CACNA2D1: variants seen among roughly 807,000 people sequenced by gnomAD.
CACNA2D1 encodes calcium voltage-gated channel auxiliary subunit alpha2delta 1.
A neutral mutation model predicts 171.5 loss-of-function variants in CACNA2D1; 53 were observed. The observed-to-expected ratio is 0.31, with a 90% CI of 0.25 to 0.39. The LOEUF is 0.39. Ranked by LOEUF, CACNA2D1 falls within the 10% of genes least tolerant of loss-of-function variation. The probability of loss-of-function intolerance (pLI) is 1.00; values close to 1 mark genes in which losing one functional copy is unlikely to be tolerated. For synonymous variants in CACNA2D1, 442 were observed against 443.1 expected (o/e 1.00, Z 0.03); for missense variants, 903 against 1,299.8 (o/e 0.69, Z 4.69).
intron 3 of CACNA2D1, among the ~76,000 whole-genome samples, chr7:82,253,571 C>T (rs1452658924): frequency 6.6e-6 from 1 of 152,054 alleles, no homozygotes; most frequent in African/African-American, 2.4e-5. Context: ...GTAAGATAAA[C>T]TAAAAGAATC....
chr7:82,443,855 G>T, upstream of CACNA2D1: 1 of 450,168 alleles, frequency 2.2e-6, no homozygotes, highest in Non-Finnish European at 3.6e-6. Flanking sequence ...GGCGGAGGAG[G>T]GGTGACGGCG....
At position 82,102,485 on chromosome 7, in the gene CACNA2D1, T is replaced by TAC. The variant is rs951184061; in HGVS notation, c.526+14557_526+14558dup. ...ATACACATGCATATATACATATATATACACACACACACACGCACACACACA... is the reference window on the plus strand; with the variant it reads ...ATACACATGCATATATACATATATATACACACACACACACACGCACACACACA... On this transcript the variant is annotated intron_variant, in intron 6 of 38. Transcript: ENST00000356860. Among the ~76,000 whole-genome samples the TAC allele has an allele frequency of 1.5e-4, 22 of 151,214 alleles. No individual in the cohort carries two copies. In the South Asian group the frequency reaches 3.6e-3, roughly 24 times the overall value.
chr7:82,094,685 A>T (rs1311466335), intron 6 of CACNA2D1, among the ~76,000 whole-genome samples: 9 of 152,202 alleles, frequency 5.9e-5, no homozygotes. Flanking sequence ...AAAACCTTAG[A>T]TTTTTCAAAT....
At chr7:82,144,902 G>A (rs1238156512) in intron 4 of CACNA2D1, among the ~76,000 whole-genome samples, 1 of 147,104 alleles carries the variant, frequency 6.8e-6, no homozygotes, top group African/African-American at 2.4e-5. Flanking sequence ...GTTCAATAAT[G>A]TATGGATTAT....
At chr7:82,371,986 G>T (rs1822472532) in intron 1 of CACNA2D1, among the ~76,000 whole-genome samples, 1 of 152,062 alleles carries the variant, frequency 6.6e-6, no homozygotes, top group Non-Finnish European at 1.5e-5. Context: ...TCACTTTAAT[G>T]AAATTCTATG....
At chr7:82,327,424 A>G (rs42050) in intron 3 of CACNA2D1, among the ~76,000 whole-genome samples, 84,062 of 152,068 alleles carry the variant, frequency 0.55, 23,935 homozygotes, top group East Asian at 0.71. Flanking sequence ...TGTCTTGTCT[A>G]TTAATCATAT....
At chr7:82,215,819 T>C (rs1238939457) in intron 3 of CACNA2D1, among the ~76,000 whole-genome samples, 1 of 152,206 alleles carries the variant, frequency 6.6e-6, no homozygotes, top group Non-Finnish European at 1.5e-5. Context: ...GAATTTGCTT[T>C]ACCCAAAAGA....
At chr7:82,170,435 T>C in intron 4 of CACNA2D1, 115 bp downstream of exon 4, 1 of 930,224 alleles carries the variant, frequency 1.1e-6, no homozygotes, top group Non-Finnish European at 1.7e-6. Flanking sequence ...TATGATTATT[T>C]TTAATCCCAC....
intron 3 of CACNA2D1, among the ~76,000 whole-genome samples, chr7:82,322,990 T>TA (rs1816183711): frequency 6.6e-6 from 1 of 152,148 alleles, no homozygotes; most frequent in South Asian, 2.1e-4. Context: ...ATCAAGAGAT[T>TA]AAAAAACAAA....
chr7:82,118,682 A>C (rs1260725625), intron 5 of CACNA2D1, among the ~76,000 whole-genome samples: 2 of 152,104 alleles, frequency 1.3e-5, no homozygotes, highest in South Asian at 2.1e-4. Flanking sequence ...CACACTTAAC[A>C]ATTAGCAGTT....
Position 82,060,485 on chromosome 7 carries a change from T to A in CACNA2D1, c.822A>T (p.Thr274=), listed in dbSNP as rs756643377. Residue 274 remains threonine (T), a synonymous_variant, in exon 10 of 39, where the codon ACA becomes ACT. Coordinates refer to ENST00000356860, the MANE Select transcript of CACNA2D1 (RefSeq NM_000722.4). The part of the protein sequence containing the change: ...VSGLTLKLIR[T]SVSEMLETLS... Reference sequence around the variant, plus strand: ...GGGTTTCTAACATTTCGGAGACAGATGTTCGGATCAGTTTAAGTGTCAATC... The same window carrying A: ...GGGTTTCTAACATTTCGGAGACAGAAGTTCGGATCAGTTTAAGTGTCAATC... 3.1e-6 allele frequency: 5 copies of A among 1,610,530 alleles called. 1 individual carries two copies. The South Asian group carries it at 5.5e-5, about 18-fold the overall frequency.
intron 1 of CACNA2D1, among the ~76,000 whole-genome samples, chr7:82,393,370 A>T (rs10227932): frequency 0.15 from 22,868 of 152,184 alleles, 2,806 homozygotes; most frequent in African/African-American, 0.34. Context: ...TGCTGGAGGC[A>T]ACAGAGGTCT....
At chr7:82,110,074 C>T (rs1584780620) in intron 6 of CACNA2D1, among the ~76,000 whole-genome samples, 1 of 152,300 alleles carries the variant, frequency 6.6e-6, no homozygotes, top group East Asian at 1.9e-4. Context: ...ACCTCCTGTT[C>T]TTATACCTTT....
intron 12 of CACNA2D1, among the ~76,000 whole-genome samples, chr7:82,016,585 T>C (rs949388632): frequency 4.2e-5 from 6 of 141,660 alleles, no homozygotes; most frequent in Non-Finnish European, 7.5e-5. Flanking sequence ...ATCATTCAAA[T>C]AGTCCAAATA....
chr7:82,131,587 G>A (rs1167280849), intron 5 of CACNA2D1, among the ~76,000 whole-genome samples: 1 of 151,974 alleles, frequency 6.6e-6, no homozygotes, highest in African/African-American at 2.4e-5. Flanking sequence ...AACATACTGA[G>A]GACTAAATTT....
Position 81,984,698 on chromosome 7 carries a change from A to G in CACNA2D1, c.1810T>C (p.Leu604=), listed in dbSNP as rs991265958. The G allele has an allele frequency of 6.5e-6, 10 of 1,546,840 alleles. No individual in the cohort carries two copies. In the Admixed American group the frequency reaches 1.9e-4, roughly 29 times the overall value. Residue 604 remains leucine (L), a synonymous_variant, in exon 22 of 39, where the codon TTA becomes CTA. Coordinates refer to ENST00000356860, the MANE Select transcript of CACNA2D1 (RefSeq NM_000722.4). ...ATATAGTAAAAACTGTAGGTTGGTAATACCAAGGCCAAACTGCAATAGAAA... is the reference window on the plus strand; with the variant it reads ...ATATAGTAAAAACTGTAGGTTGGTAGTACCAAGGCCAAACTGCAATAGAAA... The part of the protein sequence containing the change: ...NGTDYSLALV[L]PTYSFYYIKA...
At chr7:82,267,958 T>C (rs1330903668) in intron 3 of CACNA2D1, among the ~76,000 whole-genome samples, 2 of 152,080 alleles carry the variant, frequency 1.3e-5, no homozygotes, top group African/African-American at 4.8e-5. Context: ...GATCGCACCA[T>C]TGCACTCCAG....
At chr7:82,435,121 C>T (rs568055528) in intron 1 of CACNA2D1, among the ~76,000 whole-genome samples, 2 of 149,894 alleles carry the variant, frequency 1.3e-5, no homozygotes, top group African/African-American at 4.9e-5. Context: ...CTGCAACATC[C>T]GCCTCCCGGG....
Position 82,039,250 on chromosome 7 carries a change from T to C in CACNA2D1, c.880-1015A>G, listed in dbSNP as rs542365709. Among the ~76,000 whole-genome samples, 14 of 142,126 alleles carry C rather than the reference T, an allele frequency of 9.9e-5. No individual in the cohort carries two copies. The South Asian group carries it at 3.2e-3, about 32-fold the overall frequency. 93.2% of individuals were successfully genotyped at this position (142,126 alleles called of 152,430 possible). A position where few individuals can be genotyped will look rare whatever the true frequency, so the allele number is the denominator to read the frequency against. On this transcript the variant is annotated intron_variant, in intron 10 of 38. Transcript: ENST00000356860. ...AAGTTATTACATATTCTTGCAAATATAATTCATCATTTTTTTCTCTGAAGA... is the reference window on the plus strand; with the variant it reads ...AAGTTATTACATATTCTTGCAAATACAATTCATCATTTTTTTCTCTGAAGA...
Sources: allele counts gnomAD v4.1 joint callset (sites outside exome capture counted in the v4.1 genomes callset), GRCh38; gene constraint gnomAD v4.1.1; transcripts MANE v1.5; gene names NCBI Gene and HGNC (gene_info 2026-07-23, HGNC 2026-07-21).